Variants in SLF2 observed in about 807,000 individuals in gnomAD.
SLF2 encodes SMC5-SMC6 complex localization factor protein 2.
In SLF2, 68 loss-of-function variants were observed where a neutral mutation model predicts 124.3. That is an observed-to-expected ratio of 0.55 (90% CI 0.45 to 0.67). SLF2 has a LOEUF of 0.67. SLF2 is among the 30% of genes least tolerant of loss of function. SLF2 has a pLI of 0.00. For synonymous variants in SLF2, 480 were observed against 478.8 expected (o/e 1.00, Z -0.03); for missense variants, 1,246 against 1,373.7 (o/e 0.91, Z 1.47).
chr10:100,952,536 G>C (rs561813558), intron 17 of SLF2, among the ~76,000 whole-genome samples: 7 of 139,572 alleles, frequency 5.0e-5, no homozygotes, highest in Admixed American at 3.6e-4. Context: ...AACAGAGGGA[G>C]ACTCCACCTC....
At chr10:100,956,328 T>TATC in intron 17 of SLF2, 123 bp from the exon 18 acceptor site, 1 of 668,786 alleles carries the variant, frequency 1.5e-6, no homozygotes, top group South Asian at 2.1e-5. Flanking sequence ...GAATAGTTAA[T>TATC]ATCAGTCATT....
At chr10:100,955,065 G>A (rs1000382351) in intron 17 of SLF2, among the ~76,000 whole-genome samples, 5 of 149,642 alleles carry the variant, frequency 3.3e-5, no homozygotes, top group Non-Finnish European at 5.9e-5. Flanking sequence ...CCAGCCTCCC[G>A]AGTAGCTGGG....
At chr10:100,921,375 C>A (rs1396428704) in intron 4 of SLF2, among the ~76,000 whole-genome samples, 2 of 152,168 alleles carry the variant, frequency 1.3e-5, no homozygotes, top group Admixed American at 6.5e-5. Flanking sequence ...AGCCACCATG[C>A]CCAGCCTCCT....
intron 9 of SLF2, among the ~76,000 whole-genome samples, chr10:100,933,275 A>G (rs573238482): frequency 1.3e-5 from 2 of 152,352 alleles, no homozygotes; most frequent in Admixed American, 6.5e-5. Flanking sequence ...ATGACATACA[A>G]GCATACCTTC....
rs763915763 is a variant in SLF2 at position 100,924,931 on chromosome 10, G to C, written c.1930G>C (p.Ala644Pro). 8 of 1,613,854 alleles carry C rather than the reference G, an allele frequency of 5.0e-6. No individual in the cohort carries two copies. The highest frequency in any genetic ancestry group is 1.7e-6 in the Non-Finnish European group (2 of 1,180,014). The change falls in exon 5 of 20, where the codon GCT becomes CCT. Residue 644 changes from alanine (A) to proline (P), a missense_variant. Ala to Pro is a conservative substitution (Grantham distance 27, BLOSUM62 -1). Around this residue, in one of 3 missense-constraint regions of SLF2, gnomAD observed 535 missense variants for 632.8 expected, o/e 0.85. Transcript: ENST00000238961. ...TCCTGCAGCTACAGGAAAGCCTCCT[G>C]CTCTTTCCAAGGGGCTTAGATCTCA... Reference protein sequence around the residue: ...QTPAATGKPPALSKGLRSQSS... With the variant: ...QTPAATGKPPPLSKGLRSQSS...
chr10:100,931,034 C>G lies in SLF2; in HGVS notation c.2392C>G (p.His798Asp). The G allele has an allele frequency of 6.2e-7, 1 of 1,614,092 alleles. No individual in the cohort carries two copies. Among genetic ancestry groups the G allele is most frequent in the Non-Finnish European group, 8.5e-7 (1 of 1,179,994 alleles). ...TTQGFLTSAYHYVQCPVPVLK... is the reference protein window; with the variant it reads ...TTQGFLTSAYDYVQCPVPVLK... ...ACAAGGTTTCCTTACGTCTGCTTAT[C>G]ACTATGTCCAGTGTCCTGTCCCTGT... Residue 798 changes from histidine (H) to aspartate (D), a missense_variant, in exon 9 of 20, where the codon CAC becomes GAC. Transcript: ENST00000238961.
intron 7 of SLF2, 137 bp from the exon 8 acceptor site, chr10:100,929,693 C>A: frequency 2.8e-6 from 2 of 702,014 alleles, no homozygotes; most frequent in African/African-American, 1.8e-5. Flanking sequence ...AGAAGCAAAG[C>A]ATACTTTTCT....
chr10:100,931,082 A>C lies in SLF2; in HGVS notation c.2436+4A>C. 1 of 1,606,930 alleles carries C rather than the reference A, an allele frequency of 6.2e-7. No individual in the cohort carries two copies. Among genetic ancestry groups the C allele is most frequent in the Non-Finnish European group, 8.5e-7 (1 of 1,174,240 alleles). On this transcript the variant is annotated splice_donor_region_variant and intron_variant, in intron 9 of 19. Transcript: ENST00000238961. ...TGTGTTAAAGTGGCTGTTTCGGGTA[A>C]GAGGAATGTTTAGAGGGTTATAGTT... is the stretch of plus-strand genomic sequence containing the variant.
intron 10 of SLF2, among the ~76,000 whole-genome samples, chr10:100,937,764 A>C (rs1032348740): frequency 2.6e-5 from 4 of 152,066 alleles, no homozygotes; most frequent in African/African-American, 9.7e-5. Context: ...ACACACCGCT[A>C]TACCCAGCTA....
chr10:100,929,730 A>G, intron 7 of SLF2, 100 bp from the exon 8 acceptor site: 1 of 920,838 alleles, frequency 1.1e-6, no homozygotes, highest in Non-Finnish European at 1.6e-6. Flanking sequence ...TTTGGGATTA[A>G]CATTGGCTTA....
chr10:100,918,863 C>T (rs1849472495), intron 4 of SLF2, among the ~76,000 whole-genome samples: 1 of 152,026 alleles, frequency 6.6e-6, no homozygotes, highest in Admixed American at 6.6e-5. Context: ...AGCTCATGAG[C>T]CACCACACCT....
At position 100,964,828 on chromosome 10, in the gene SLF2, A is replaced by AGG. The variant is rs1436196535; in HGVS notation, c.*2919_*2920dup. On this transcript the variant is annotated 3_prime_UTR_variant, in exon 20 of 20. Coordinates refer to ENST00000238961, the MANE Select transcript of SLF2 (RefSeq NM_018121.4). ...AAACAAGCTACTGAGTTGGAGAATT[A>AGG]GGGGATGACTGTGGTGGTTTGTCGC... 1 of 152,256 alleles carries AGG rather than the reference A, an allele frequency of 6.6e-6. No homozygotes were observed. The highest frequency in any genetic ancestry group is 1.5e-5 in the Non-Finnish European group (1 of 68,032). 9.4% of individuals were successfully genotyped at this position (152,256 alleles called of 1,614,324 possible).
intron 2 of SLF2, 82 bp from the exon 3 acceptor site, chr10:100,916,488 A>C: frequency 9.0e-7 from 1 of 1,111,118 alleles, no homozygotes; most frequent in Non-Finnish European, 1.1e-6. Flanking sequence ...AGTTTAATTT[A>C]TATTTTAAAC....
chr10:100,913,674 C>A, intron 1 of SLF2: 2 of 1,010,466 alleles, frequency 2.0e-6, no homozygotes, highest in Non-Finnish European at 2.4e-6. Flanking sequence ...ATGAGGGAAT[C>A]CCTTCCACGA....
intron 9 of SLF2, among the ~76,000 whole-genome samples, chr10:100,931,511 A>T (rs1849735944): frequency 6.6e-6 from 1 of 151,748 alleles, no homozygotes; most frequent in Non-Finnish European, 1.5e-5. Flanking sequence ...TCTTTTCCCC[A>T]TTCATATTTA....
chr10:100,913,324 C>T (rs772692707), intron 1 of SLF2, 74 bp downstream of exon 1: 3 of 1,380,558 alleles, frequency 2.2e-6, no homozygotes, highest in East Asian at 3.0e-5. Context: ...CAGACCGCCG[C>T]TCTTCCAGTT....
At chr10:100,938,479 C>T in intron 10 of SLF2, 116 bp from the exon 11 acceptor site, 1 of 959,064 alleles carries the variant, frequency 1.0e-6, no homozygotes, top group South Asian at 1.8e-5. Context: ...AAATTAGCAG[C>T]TGTCATTTCT....
At position 100,957,351 on chromosome 10, in the gene SLF2, T is replaced by A. The variant is rs1003867337; in HGVS notation, c.3417+814T>A. ...TTCAATTTTTTTTTTTTTTTTTTTT[T>A]TTTTTTTTTTTTTTTTGAGATGGAG... On this transcript the variant is annotated intron_variant, in intron 18 of 19. Coordinates refer to ENST00000238961, the MANE Select transcript of SLF2 (RefSeq NM_018121.4). 2.5e-3 allele frequency among the ~76,000 whole-genome samples: 195 copies of A among 78,684 alleles called. 15 individuals are homozygous for A. The highest frequency in any genetic ancestry group is 3.2e-3 in the Admixed American group (22 of 6,818). The allele number at this position is 78,684 out of a possible 152,430, so 51.6% of individuals were successfully genotyped here. A position where few individuals can be genotyped will look rare whatever the true frequency, so the allele number is the denominator to read the frequency against.
chr10:100,932,776 T>C (rs1438411925), intron 9 of SLF2, among the ~76,000 whole-genome samples: 3 of 151,976 alleles, frequency 2.0e-5, no homozygotes, highest in Non-Finnish European at 2.9e-5. Flanking sequence ...ATAAGTGCTA[T>C]GAAGAAAACG....
Sources: allele counts gnomAD v4.1 joint callset (sites outside exome capture counted in the v4.1 genomes callset), GRCh38; gene constraint gnomAD v4.1.1; regional missense constraint gnomAD v4.1.1; transcripts MANE v1.5; gene names NCBI Gene and HGNC (gene_info 2026-07-23, HGNC 2026-07-21).